Variants in GLRA3 observed in about 807,000 individuals in gnomAD.
GLRA3 encodes the protein glycine receptor alpha 3.
In GLRA3, 44 loss-of-function variants were observed where a neutral mutation model predicts 60.4. That is an observed-to-expected ratio of 0.73 (90% CI 0.57 to 0.94). GLRA3 has a LOEUF of 0.94. Among genes scored for constraint, GLRA3 ranks in the 40% least tolerant of loss-of-function variants. GLRA3 has a pLI of 0.00. For missense variants in GLRA3, 508 were observed against 564.6 expected (o/e 0.90, Z 1.02); for synonymous variants, 223 against 192.9 (o/e 1.16, Z -1.29).
intron 1 of GLRA3, among the ~76,000 whole-genome samples, chr4:174,815,489 C>T (rs966682197): frequency 6.6e-6 from 1 of 152,198 alleles, no homozygotes; most frequent in African/African-American, 2.4e-5. Flanking sequence ...AGAAGTTCCC[C>T]ATGAGGGCTC....
At position 174,639,474 on chromosome 4, in the gene GLRA3, CA is replaced by C; in HGVS notation, c.*4311del. ...CATTATTAAGATGTAAAATGTAGAC[CA>C]AAAAAACAGGTAAGTGGGTCCTAGC... On this transcript the variant is annotated 3_prime_UTR_variant, in exon 10 of 10. Coordinates refer to ENST00000274093, the MANE Select transcript of GLRA3 (RefSeq NM_006529.4). 1 of 148,316 alleles carries C rather than the reference CA, an allele frequency of 6.7e-6. No homozygotes were observed. Among genetic ancestry groups the C allele is most frequent in the Non-Finnish European group, 1.5e-5 (1 of 66,906 alleles). The allele number at this position is 148,316 out of a possible 1,614,324, so 9.2% of individuals were successfully genotyped here. A position where few individuals can be genotyped will look rare whatever the true frequency, so the allele number is the denominator to read the frequency against.
intron 7 of GLRA3, among the ~76,000 whole-genome samples, chr4:174,672,354 G>T (rs10020688): frequency 1.3e-5 from 2 of 151,934 alleles, no homozygotes; most frequent in Non-Finnish European, 2.9e-5. Context: ...TTTTCCCAAG[G>T]TAGATAAGAT....
intron 5 of GLRA3, among the ~76,000 whole-genome samples, chr4:174,686,260 C>T (rs1161496858): frequency 2.6e-5 from 4 of 152,052 alleles, no homozygotes; most frequent in Admixed American, 2.6e-4. Context: ...TTTAAAAAAT[C>T]AATACTTTTT....
intron 2 of GLRA3, among the ~76,000 whole-genome samples, chr4:174,778,449 G>T (rs547583198): frequency 2.0e-5 from 3 of 151,496 alleles, no homozygotes; most frequent in East Asian, 3.9e-4. Flanking sequence ...GTTGGTAAAA[G>T]AAAAAAAACA....
At position 174,643,582 on chromosome 4, in the gene GLRA3, C is replaced by G; in HGVS notation, c.*204G>C. The G allele has an allele frequency of 8.0e-7, 1 of 1,243,188 alleles. No homozygotes were observed. The highest frequency in any genetic ancestry group is 2.8e-5 in the South Asian group (1 of 35,552). 77.0% of individuals were successfully genotyped at this position (1,243,188 alleles called of 1,614,324 possible). On this transcript the variant is annotated 3_prime_UTR_variant, in exon 10 of 10. Coordinates refer to ENST00000274093, the MANE Select transcript of GLRA3 (RefSeq NM_006529.4). ...CTGGAATTAATATGAAATAGAATCC[C>G]CTAATAAATATTTTATATTCATTAA...
chr4:174,739,669 G>A (rs565131423), intron 3 of GLRA3, among the ~76,000 whole-genome samples: 1 of 152,270 alleles, frequency 6.6e-6, no homozygotes, highest in Non-Finnish European at 1.5e-5. Context: ...ATTTGAAATG[G>A]GCAGGGACAG....
intron 6 of GLRA3, among the ~76,000 whole-genome samples, chr4:174,679,525 A>G (rs1734260421): frequency 6.6e-6 from 1 of 152,182 alleles, no homozygotes; most frequent in African/African-American, 2.4e-5. Context: ...TAAAGGTACC[A>G]TATGGACTAC....
intron 2 of GLRA3, among the ~76,000 whole-genome samples, chr4:174,779,476 G>A (rs553114626): frequency 1.3e-5 from 2 of 152,330 alleles, no homozygotes; most frequent in East Asian, 1.9e-4. Context: ...TGACTTTGAC[G>A]AGCTGAGAGA....
chr4:174,788,928 C>T lies in GLRA3; in HGVS notation c.87G>A (p.Lys29=), dbSNP rs1739224917. 6.3e-7 allele frequency: 1 copy of T among 1,589,608 alleles called. No homozygotes were observed. Among genetic ancestry groups the T allele is most frequent in the Non-Finnish European group, 8.6e-7 (1 of 1,169,196 alleles). Reference sequence around the variant, plus strand: ...TTCGAGATCTTGCACTGTCTGTTTCCTTTGTGGCAACCAAACTACAAATAA... The same window carrying T: ...TTCGAGATCTTGCACTGTCTGTTTCTTTTGTGGCAACCAAACTACAAATAA... ...AALLLSLVAT[K]ETDSARSRSA... Residue 29 remains lysine (K), a synonymous_variant, in exon 2 of 10, where the codon AAG becomes AAA. Coordinates refer to ENST00000274093, the MANE Select transcript of GLRA3 (RefSeq NM_006529.4).
intron 2 of GLRA3, among the ~76,000 whole-genome samples, chr4:174,782,908 G>A (rs2111285009): frequency 6.6e-6 from 1 of 152,198 alleles, no homozygotes; most frequent in South Asian, 2.1e-4. Flanking sequence ...GTAATTTACA[G>A]ATTCAATGCC....
chr4:174,697,222 T>C (rs529297739), intron 5 of GLRA3, among the ~76,000 whole-genome samples: 1 of 152,332 alleles, frequency 6.6e-6, no homozygotes, highest in African/African-American at 2.4e-5. Context: ...TAGATTCACA[T>C]TTTGTTTTAA....
At position 174,639,440 on chromosome 4, in the gene GLRA3, A is replaced by G. The variant is rs1195511600; in HGVS notation, c.*4346T>C. 2.0e-5 allele frequency: 3 copies of G among 151,798 alleles called. No homozygotes were observed. Among genetic ancestry groups the G allele is most frequent in the African/African-American group, 7.3e-5 (3 of 41,276 alleles). 9.4% of individuals were successfully genotyped at this position (151,798 alleles called of 1,614,324 possible). A position where few individuals can be genotyped will look rare whatever the true frequency, so the allele number is the denominator to read the frequency against. On this transcript the variant is annotated 3_prime_UTR_variant, in exon 10 of 10. Coordinates refer to ENST00000274093, the MANE Select transcript of GLRA3 (RefSeq NM_006529.4). ...AGAGAGAGAGAGAGGGAAAGGGAAG[A>G]GATGAAGGCATTATTAAGATGTAAA...
chr4:174,669,056 G>A (rs1013687975), intron 7 of GLRA3, among the ~76,000 whole-genome samples: 7 of 151,800 alleles, frequency 4.6e-5, no homozygotes, highest in Non-Finnish European at 1.5e-5. Flanking sequence ...AAATGTCTCT[G>A]CTTGTGTTAT....
At chr4:174,765,255 G>A (rs1738095844) in intron 3 of GLRA3, among the ~76,000 whole-genome samples, 1 of 151,898 alleles carries the variant, frequency 6.6e-6, no homozygotes, top group African/African-American at 2.4e-5. Flanking sequence ...CAGTTTTAGT[G>A]GTAGACTGAT....
intron 7 of GLRA3, among the ~76,000 whole-genome samples, chr4:174,673,345 A>C (rs145266147): frequency 2.0e-5 from 3 of 152,240 alleles, no homozygotes; most frequent in African/African-American, 7.2e-5. Context: ...GTCTTAACTG[A>C]ATATTGAAAT....
intron 5 of GLRA3, among the ~76,000 whole-genome samples, chr4:174,700,267 T>C (rs1422450576): frequency 6.6e-6 from 1 of 152,190 alleles, no homozygotes. Context: ...ATTTTACAAA[T>C]TGAAGATTTG....
intron 1 of GLRA3, among the ~76,000 whole-genome samples, chr4:174,795,585 A>C (rs892009020): frequency 6.6e-6 from 1 of 152,162 alleles, no homozygotes; most frequent in African/African-American, 2.4e-5. Flanking sequence ...ATAAATGGAG[A>C]AAAGTTTACT....
chr4:174,711,587 G>A (rs930644198), intron 5 of GLRA3, among the ~76,000 whole-genome samples: 12 of 151,832 alleles, frequency 7.9e-5, no homozygotes, highest in African/African-American at 2.2e-4. Flanking sequence ...CTACAGGCAA[G>A]TGCCACCACG....
intron 2 of GLRA3, among the ~76,000 whole-genome samples, chr4:174,772,697 G>A (rs1216674715): frequency 6.6e-6 from 1 of 152,120 alleles, no homozygotes; most frequent in Non-Finnish European, 1.5e-5. Flanking sequence ...CAAGGTATTT[G>A]GGATTTACTT....
Sources: allele counts gnomAD v4.1 joint callset (sites outside exome capture counted in the v4.1 genomes callset), GRCh38; gene constraint gnomAD v4.1.1; transcripts MANE v1.5; gene names NCBI Gene and HGNC (gene_info 2026-07-23, HGNC 2026-07-21).